STPG2: variants seen among roughly 807,000 people sequenced by gnomAD.
STPG2 encodes sperm-tail PG-rich repeat-containing protein 2.
In STPG2, 56 loss-of-function variants were observed where a neutral mutation model predicts 54.2. That is an observed-to-expected ratio of 1.03 (90% CI 0.83 to 1.29). The LOEUF is 1.29. Among genes scored for constraint, STPG2 ranks in the 50% most tolerant of loss-of-function variants. The pLI, the probability that STPG2 is intolerant of heterozygous loss-of-function variation, is 0.00. For synonymous variants in STPG2, 200 were observed against 181.8 expected, an observed-to-expected ratio of 1.10 and a Z score of -0.81; for missense variants, 596 against 544.9, an observed-to-expected ratio of 1.09 and a Z score of -0.93.
intron 5 of STPG2, among the ~76,000 whole-genome samples, chr4:98,007,394 T>C (rs1735608246): frequency 6.6e-6 from 1 of 152,062 alleles, no homozygotes; most frequent in Admixed American, 6.5e-5. Context: ...CCACCAAACA[T>C]ACCCAGAAGC....
At chr4:97,754,216 C>A (rs1725663196) in intron 9 of STPG2, among the ~76,000 whole-genome samples, 1 of 152,052 alleles carries the variant, frequency 6.6e-6, no homozygotes, top group Non-Finnish European at 1.5e-5. Context: ...CACCACCAAG[C>A]TAAAACTGAG....
At chr4:97,962,551 G>A (rs1240527236) in intron 7 of STPG2, among the ~76,000 whole-genome samples, 1 of 152,086 alleles carries the variant, frequency 6.6e-6, no homozygotes, top group Non-Finnish European at 1.5e-5. Context: ...CTTGATTTTA[G>A]ATTTTGTCAA....
At chr4:97,586,345 C>T (rs916188838) in intron 10 of STPG2, among the ~76,000 whole-genome samples, 2 of 151,508 alleles carry the variant, frequency 1.3e-5, no homozygotes, top group South Asian at 2.1e-4. Flanking sequence ...TAATAATAAC[C>T]GATATTTATA....
intron 5 of STPG2, among the ~76,000 whole-genome samples, chr4:97,985,573 A>G (rs909599413): frequency 6.6e-6 from 1 of 152,188 alleles, no homozygotes; most frequent in Non-Finnish European, 1.5e-5. Context: ...TTCTAAGTCT[A>G]CTTTGTTAAT....
At chr4:97,606,792 TTTA>T (rs1247220802) in intron 10 of STPG2, among the ~76,000 whole-genome samples, 1 of 152,002 alleles carries the variant, frequency 6.6e-6, no homozygotes, top group African/African-American at 2.4e-5. Flanking sequence ...GTACTTCCAT[TTTA>T]CCATCTTTCT....
chr4:97,559,193 A>G (rs1187510367), intron 10 of STPG2, 76 bp from the exon 11 acceptor site: 1 of 931,514 alleles, frequency 1.1e-6, no homozygotes, highest in Non-Finnish European at 1.7e-6. Flanking sequence ...TTATTTAAAC[A>G]TTACCAAAGA....
chr4:97,688,590 A>T (rs1352113723), intron 10 of STPG2, among the ~76,000 whole-genome samples: 3 of 152,132 alleles, frequency 2.0e-5, no homozygotes, highest in Non-Finnish European at 4.4e-5. Context: ...GATGGTCTCA[A>T]TCTCCTGACC....
chr4:98,001,138 C>T (rs994904903), intron 5 of STPG2, among the ~76,000 whole-genome samples: 3 of 151,972 alleles, frequency 2.0e-5, no homozygotes, highest in Admixed American at 6.6e-5. Flanking sequence ...AATTTAATAT[C>T]GTAAATCTGA....
chr4:97,807,049 C>T (rs1727588613), intron 9 of STPG2, among the ~76,000 whole-genome samples: 1 of 151,810 alleles, frequency 6.6e-6, no homozygotes, highest in Non-Finnish European at 1.5e-5. Flanking sequence ...TGTTATGTTA[C>T]ATATTCCATT....
downstream of STPG2, among the ~76,000 whole-genome samples, chr4:97,553,949 A>G (rs1388104931): frequency 6.6e-6 from 1 of 152,134 alleles, no homozygotes; most frequent in Admixed American, 6.5e-5. Context: ...ATACAGACAG[A>G]CACTTTAATA....
intron 8 of STPG2, among the ~76,000 whole-genome samples, chr4:97,852,421 C>T (rs1249288358): frequency 6.6e-6 from 1 of 152,048 alleles, no homozygotes; most frequent in African/African-American, 2.4e-5. Context: ...CTTTAAGAGG[C>T]CCTCAAGAAC....
At chr4:97,727,570 A>G (rs1724663446) in intron 9 of STPG2, among the ~76,000 whole-genome samples, 3 of 151,996 alleles carry the variant, frequency 2.0e-5, no homozygotes. Flanking sequence ...ATAACACACT[A>G]TAAAGCATTC....
chr4:97,916,430 T>A (rs1439510012), intron 8 of STPG2: 1 of 152,584 alleles, frequency 6.6e-6, no homozygotes. Flanking sequence ...TCCTCCAGCT[T>A]GAAAACCATT....
In STPG2 at chr4:98,134,525, T is replaced by G. The variant is rs566507148; in HGVS notation, c.110-66A>C. On this transcript the variant is annotated intron_variant, in intron 1 of 10. Coordinates refer to ENST00000295268, the MANE Select transcript of STPG2 (RefSeq NM_174952.3). ...GTCCAAGGATTTCAGAGAAAAACGC[T>G]CAAAATATATATAATCATGAGTATC... 119 of 850,228 alleles carry G rather than the reference T, an allele frequency of 1.4e-4. No homozygotes were observed. In the African/African-American group the frequency reaches 2.0e-3, roughly 14 times the overall value. The allele number at this position is 850,228 out of a possible 1,614,324, so 52.7% of individuals were successfully genotyped here.
rs901917333 is a variant in STPG2, at chr4:97,474,267, GA to G, written c.462+238431del. The stretch of plus-strand genomic sequence containing the variant: ...CTCTAGAAAATAAAATGTATTAATG[GA>G]AAAAAAAAAGACAAGAAGACATTAA... On this transcript the variant is annotated intron_variant, in intron 4 of 4. Transcript: ENST00000522676. 2.6e-3 allele frequency among the ~76,000 whole-genome samples: 374 copies of G among 145,942 alleles called. 6 individuals carry two copies. Among genetic ancestry groups the G allele is most frequent in the South Asian group, 5.0e-3 (23 of 4,620 alleles).
chr4:97,722,964 A>ATTTTTTTTT (rs3974903), intron 9 of STPG2, among the ~76,000 whole-genome samples: 8 of 116,330 alleles, frequency 6.9e-5, no homozygotes, highest in Non-Finnish European at 1.2e-4. Flanking sequence ...CACCCGGCTA[A>ATTTTTTTTT]TTTTTTTTTT....
At chr4:97,906,333 G>C (rs2149193679) in intron 8 of STPG2, among the ~76,000 whole-genome samples, 1 of 152,248 alleles carries the variant, frequency 6.6e-6, no homozygotes, top group Admixed American at 6.5e-5. Context: ...TTGAATCTCT[G>C]AATACACCAA....
At chr4:97,795,530 C>A (rs1727140832) in intron 9 of STPG2, among the ~76,000 whole-genome samples, 1 of 152,126 alleles carries the variant, frequency 6.6e-6, no homozygotes, top group Non-Finnish European at 1.5e-5. Context: ...ATGAACTCAT[C>A]TTTTTTATGG....
At chr4:97,889,326 C>A (rs1730684773) in intron 8 of STPG2, among the ~76,000 whole-genome samples, 1 of 152,114 alleles carries the variant, frequency 6.6e-6, no homozygotes, top group Non-Finnish European at 1.5e-5. Flanking sequence ...TGTATATACC[C>A]AAAGGGAAGT....
Sources: allele counts gnomAD v4.1 joint callset (sites outside exome capture counted in the v4.1 genomes callset), GRCh38; gene constraint gnomAD v4.1.1; transcripts MANE v1.5; gene names NCBI Gene and HGNC (gene_info 2026-07-23, HGNC 2026-07-21).